KSR2: variants seen among roughly 807,000 people sequenced by gnomAD.
KSR2 encodes kinase suppressor of ras 2.
Under a neutral mutation model 107.8 loss-of-function variants are expected in KSR2, and 25 were observed. The ratio of observed to expected loss-of-function variants is 0.23; its 90% CI spans 0.17 to 0.32. KSR2 has a LOEUF of 0.32. Ranked by LOEUF, KSR2 falls within the 10% of genes least tolerant of loss-of-function variation. The pLI, the probability that KSR2 is intolerant of heterozygous loss-of-function variation, is 1.00. For synonymous variants in KSR2, 480 were observed against 507.0 expected, an observed-to-expected ratio of 0.95 and a Z score of 0.71; for missense variants, 887 against 1,268.9, an observed-to-expected ratio of 0.70 and a Z score of 4.57.
intron 14 of KSR2, among the ~76,000 whole-genome samples, chr12:117,519,955 C>T (rs1202542936): frequency 6.6e-6 from 1 of 152,136 alleles, no homozygotes; most frequent in Non-Finnish European, 1.5e-5. Flanking sequence ...CTGGCACTTA[C>T]TAAAAAGGAT....
intron 5 of KSR2, among the ~76,000 whole-genome samples, chr12:117,609,925 A>G (rs1323843985): frequency 6.6e-6 from 1 of 152,134 alleles, no homozygotes; most frequent in Non-Finnish European, 1.5e-5. Flanking sequence ...CACAAAACCT[A>G]CAATATCTAC....
intron 1 of KSR2, among the ~76,000 whole-genome samples, chr12:117,939,277 A>G (rs1319798295): frequency 1.3e-5 from 2 of 152,224 alleles, no homozygotes; most frequent in Non-Finnish European, 2.9e-5. Flanking sequence ...TGAAGATGAA[A>G]TGCAATAATG....
intron 1 of KSR2, among the ~76,000 whole-genome samples, chr12:117,867,740 A>G (rs1410159796): frequency 6.6e-6 from 1 of 152,198 alleles, no homozygotes; most frequent in Non-Finnish European, 1.5e-5. Flanking sequence ...TATTGGCTAT[A>G]AGTGAGGCCA....
chr12:117,874,444 G>C (rs1893763035), intron 1 of KSR2, among the ~76,000 whole-genome samples: 1 of 151,926 alleles, frequency 6.6e-6, no homozygotes, highest in Non-Finnish European at 1.5e-5. Context: ...TGTTGCCCAG[G>C]CTGGCCTCAA....
chr12:117,962,607 A>G (rs950941345), intron 1 of KSR2, among the ~76,000 whole-genome samples: 7 of 150,864 alleles, frequency 4.6e-5, no homozygotes, highest in Non-Finnish European at 1.0e-4. Context: ...GCCATGCCCC[A>G]CTAATTTTTG....
intron 5 of KSR2, among the ~76,000 whole-genome samples, chr12:117,616,961 GC>G (rs1187338722): frequency 1.3e-5 from 2 of 152,092 alleles, no homozygotes; most frequent in East Asian, 3.9e-4. Flanking sequence ...AAAGCTAGGA[GC>G]CCTGCATTAA....
intron 5 of KSR2, among the ~76,000 whole-genome samples, chr12:117,626,300 G>A (rs984144478): frequency 6.6e-6 from 1 of 152,138 alleles, no homozygotes; most frequent in East Asian, 1.9e-4. Flanking sequence ...TGATGTTGGG[G>A]TGTTGATTTT....
At chr12:117,854,741 A>G (rs1409036996) in intron 3 of KSR2, among the ~76,000 whole-genome samples, 1 of 152,182 alleles carries the variant, frequency 6.6e-6, no homozygotes, top group Non-Finnish European at 1.5e-5. Flanking sequence ...AAGCCTCAGG[A>G]AGATGATATC....
chr12:117,825,127 A>C (rs1444527966), intron 3 of KSR2, among the ~76,000 whole-genome samples: 1 of 152,160 alleles, frequency 6.6e-6, no homozygotes, highest in African/African-American at 2.4e-5. Context: ...GGCTGTAGTG[A>C]GCCAACATTG....
At chr12:117,569,340 C>T (rs1175086275) in intron 7 of KSR2, among the ~76,000 whole-genome samples, 2 of 152,114 alleles carry the variant, frequency 1.3e-5, no homozygotes, top group African/African-American at 4.8e-5. Flanking sequence ...TTGAGAAGTG[C>T]ATGGCTTATT....
At chr12:117,792,685 C>T (rs1890297070) in intron 3 of KSR2, among the ~76,000 whole-genome samples, 1 of 152,232 alleles carries the variant, frequency 6.6e-6, no homozygotes, top group African/African-American at 2.4e-5. Context: ...ACTCCCTTTC[C>T]CTGTCTTGAC....
intron 5 of KSR2, among the ~76,000 whole-genome samples, chr12:117,606,785 C>T (rs1229682363): frequency 1.3e-5 from 2 of 149,306 alleles, no homozygotes; most frequent in Non-Finnish European, 3.0e-5. Context: ...CCCTTCATCC[C>T]TTCTTTCCTC....
chr12:117,579,893 G>A (rs1201163636), intron 6 of KSR2, among the ~76,000 whole-genome samples: 4 of 152,168 alleles, frequency 2.6e-5, no homozygotes, highest in Admixed American at 6.5e-5. Context: ...TGGAGCAGAG[G>A]TGCATTCGAT....
intron 7 of KSR2, among the ~76,000 whole-genome samples, chr12:117,573,031 G>A (rs1052945361): frequency 2.0e-5 from 3 of 152,166 alleles, no homozygotes; most frequent in Admixed American, 6.5e-5. Flanking sequence ...ACTCCATTCC[G>A]CTCTCATGAA....
intron 3 of KSR2, among the ~76,000 whole-genome samples, chr12:117,793,149 C>A (rs1890335632): frequency 7.3e-6 from 1 of 136,872 alleles, no homozygotes; most frequent in Admixed American, 7.4e-5. Context: ...CATGCATATA[C>A]CAATATGCAC....
chr12:117,900,525 ATGTAC>A (rs1293981879), intron 1 of KSR2, among the ~76,000 whole-genome samples: 1 of 152,220 alleles, frequency 6.6e-6, no homozygotes, highest in Non-Finnish European at 1.5e-5. Flanking sequence ...TGTATTGAAA[ATGTAC>A]TGTGTGCCAG....
intron 1 of KSR2, among the ~76,000 whole-genome samples, chr12:117,887,144 G>A (rs376375045): frequency 3.9e-5 from 6 of 151,976 alleles, no homozygotes; most frequent in Admixed American, 6.6e-5. Context: ...GGCTGGTCTC[G>A]AACTCCTGGG....
In KSR2 at chr12:117,864,615, T is replaced by C. The variant is rs543520955; in HGVS notation, c.181-4184A>G. On this transcript the variant is annotated intron_variant, in intron 1 of 19. Transcript: ENST00000339824. The stretch of plus-strand genomic sequence containing the variant: ...TCTCACCATTCTGGACGCTAGAAGT[T>C]TGAAATCAAGGTGTCGGTGAGGCCA... Among the ~76,000 whole-genome samples, 10 of 152,276 alleles carry C rather than the reference T, an allele frequency of 6.6e-5. No individual in the cohort carries two copies. The South Asian group carries it at 2.1e-3, about 32-fold the overall frequency.
Position 117,807,680 on chromosome 12 carries a change from T to C in KSR2, c.473-46156A>G, listed in dbSNP as rs114089034. Reference sequence around the variant, plus strand: ...ATCCCTACACATCTTGAATTCTTTGTTCAACAAATATCTATTGAGAACCTA... The same window carrying C: ...ATCCCTACACATCTTGAATTCTTTGCTCAACAAATATCTATTGAGAACCTA... On this transcript the variant is annotated intron_variant, in intron 3 of 19. Transcript: ENST00000339824. 1.5e-3 allele frequency among the ~76,000 whole-genome samples: 232 copies of C among 152,372 alleles called. 1 individual carries two copies. Among genetic ancestry groups the C allele is most frequent in the African/African-American group, 5.3e-3 (221 of 41,582 alleles).
Sources: allele counts gnomAD v4.1 joint callset (sites outside exome capture counted in the v4.1 genomes callset), GRCh38; gene constraint gnomAD v4.1.1; transcripts MANE v1.5; gene names NCBI Gene and HGNC (gene_info 2026-07-23, HGNC 2026-07-21).